The following RABGAP1L variants were observed in gnomAD, a reference collection of about 807,000 sequenced individuals.
RABGAP1L encodes the protein rab GTPase-activating protein 1-like.
RABGAP1L carries 63 observed loss-of-function variants against 137.7 expected under a neutral mutation model. The ratio of observed to expected loss-of-function variants is 0.46; its 90% CI spans 0.37 to 0.56. The LOEUF is 0.56. Among genes scored for constraint, RABGAP1L ranks in the 20% least tolerant of loss-of-function variants. The pLI is 0.00. For synonymous variants in RABGAP1L, 431 were observed against 433.7 expected (o/e 0.99, Z 0.08); for missense variants, 1,095 against 1,244.0 (o/e 0.88, Z 1.80).
chr1:174,552,407 A>G (rs1359803278), intron 13 of RABGAP1L, among the ~76,000 whole-genome samples: 9 of 152,080 alleles, frequency 5.9e-5, no homozygotes, highest in Admixed American at 5.2e-4. Flanking sequence ...CCCACTTATA[A>G]GTGAGAACAT....
chr1:174,947,900 T>C (rs754697185), intron 19 of RABGAP1L, among the ~76,000 whole-genome samples: 2 of 152,234 alleles, frequency 1.3e-5, no homozygotes, highest in Non-Finnish European at 2.9e-5. Context: ...TCCTTCCTGA[T>C]CTTACAAATT....
At chr1:174,374,747 A>G (rs1177886451) in intron 12 of RABGAP1L, among the ~76,000 whole-genome samples, 1 of 152,150 alleles carries the variant, frequency 6.6e-6, no homozygotes, top group Non-Finnish European at 1.5e-5. Context: ...TAACATTTTT[A>G]GGTTCCATTT....
intron 11 of RABGAP1L, among the ~76,000 whole-genome samples, chr1:174,310,585 C>T (rs1390032076): frequency 3.3e-5 from 5 of 152,126 alleles, no homozygotes; most frequent in African/African-American, 1.2e-4. Flanking sequence ...CTCTTCAGAT[C>T]TATTAATGTC....
chr1:174,455,332 CCA>C (rs1160365637), intron 13 of RABGAP1L, among the ~76,000 whole-genome samples: 3 of 152,086 alleles, frequency 2.0e-5, no homozygotes, highest in East Asian at 1.9e-4. Flanking sequence ...ACATTTGACC[CCA>C]GTTTTATTTT....
chr1:174,880,110 G>A (rs1653928137), intron 19 of RABGAP1L, among the ~76,000 whole-genome samples: 1 of 151,560 alleles, frequency 6.6e-6, no homozygotes, highest in African/African-American at 2.4e-5. Flanking sequence ...CTTTCTGGAA[G>A]TGTTAATAGA....
chr1:174,677,412 C>G (rs865992085), intron 14 of RABGAP1L, among the ~76,000 whole-genome samples: 46 of 152,304 alleles, frequency 3.0e-4, no homozygotes, highest in African/African-American at 1.0e-3. Context: ...TATAGCATAA[C>G]ACCTCTGTTA....
At chr1:174,332,888 T>G (rs1440455075) in intron 11 of RABGAP1L, among the ~76,000 whole-genome samples, 1 of 152,128 alleles carries the variant, frequency 6.6e-6, no homozygotes, top group Non-Finnish European at 1.5e-5. Flanking sequence ...CCATGTTTAT[T>G]TATAATAGCC....
chr1:174,537,750 G>T (rs1665003455), intron 13 of RABGAP1L, among the ~76,000 whole-genome samples: 1 of 152,116 alleles, frequency 6.6e-6, no homozygotes, highest in South Asian at 2.1e-4. Flanking sequence ...TTGTGGAAAA[G>T]TATGATTCTG....
chr1:174,931,990 GTTTTTTTT>G (rs532860564), intron 19 of RABGAP1L, among the ~76,000 whole-genome samples: 2 of 69,648 alleles, frequency 2.9e-5, no homozygotes, highest in Non-Finnish European at 5.4e-5. Context: ...TGCTTTTTTG[GTTTTTTTT>G]TTTTTTTTTT....
At chr1:174,573,552 C>G (rs1352526635) in intron 13 of RABGAP1L, among the ~76,000 whole-genome samples, 2 of 151,988 alleles carry the variant, frequency 1.3e-5, no homozygotes, top group Admixed American at 1.3e-4. Context: ...AGGTATTTTT[C>G]AAGGCACTGG....
chr1:174,542,043 T>C (rs1665504741), intron 13 of RABGAP1L, among the ~76,000 whole-genome samples: 1 of 152,200 alleles, frequency 6.6e-6, no homozygotes, highest in African/African-American at 2.4e-5. Flanking sequence ...GGGATATTGG[T>C]CTAAAATTCT....
chr1:174,211,416 C>G (rs1365246006), intron 1 of RABGAP1L, among the ~76,000 whole-genome samples: 1 of 152,060 alleles, frequency 6.6e-6, no homozygotes, highest in Non-Finnish European at 1.5e-5. Flanking sequence ...GTGTTGTTAT[C>G]AGCTTAAAAT....
chr1:174,785,210 A>G (rs1355953895), intron 18 of RABGAP1L, among the ~76,000 whole-genome samples: 1 of 152,100 alleles, frequency 6.6e-6, no homozygotes, highest in Non-Finnish European at 1.5e-5. Context: ...GATTACAGGC[A>G]TGCGCCGCCA....
Position 174,195,757 on chromosome 1 carries a change from T to C in RABGAP1L, c.-33-23368T>C, listed in dbSNP as rs547054992. ...TTTCTTTCTTTCTTTCTTTCTCTCT[T>C]TCTCTCTTTCTCTCTTTCCTTTCTT... On this transcript the variant is annotated intron_variant, in intron 1 of 25. Transcript: ENST00000681986. 9.0e-3 allele frequency among the ~76,000 whole-genome samples: 1,270 copies of C among 141,268 alleles called. 40 individuals carry two copies. Among genetic ancestry groups the C allele is most frequent in the African/African-American group, 0.033 (1,221 of 36,850 alleles). 92.7% of individuals were successfully genotyped at this position (141,268 alleles called of 152,430 possible).
intron 1 of RABGAP1L, among the ~76,000 whole-genome samples, chr1:174,209,479 G>A (rs1339484467): frequency 6.6e-6 from 1 of 152,220 alleles, no homozygotes; most frequent in Admixed American, 6.5e-5. Context: ...ATGGGCCTGT[G>A]TTGTGGGTGG....
chr1:174,504,926 A>G (rs1661675357), intron 13 of RABGAP1L, among the ~76,000 whole-genome samples: 1 of 152,212 alleles, frequency 6.6e-6, no homozygotes, highest in Admixed American at 6.5e-5. Context: ...CAGGGTGAGG[A>G]GTCATCCTAC....
In RABGAP1L at chr1:174,448,523, G is replaced by T. The variant is rs760528036; in HGVS notation, c.1710+54378G>T. On this transcript the variant is annotated intron_variant, in intron 13 of 25. Coordinates refer to ENST00000681986, the MANE Select transcript of RABGAP1L (RefSeq NM_001366446.1). This position sits in a 1 kb window ranked among gnomAD's most constrained non-coding sequence, Gnocchi z 4.2. ...GGCATGTCTTGCTTGCATCAGTGTG[G>T]ATCGTTATCTTGCAATAACCAAGCC... 3.1e-6 allele frequency: 5 copies of T among 1,612,198 alleles called. No homozygotes were observed. The Admixed American group carries it at 8.3e-5, about 27-fold the overall frequency.
chr1:174,449,091 G>A (rs768617818), intron 13 of RABGAP1L: 1 of 1,614,048 alleles, frequency 6.2e-7, no homozygotes, highest in East Asian at 2.2e-5. Context: ...TTCCGGCTAG[G>A]CCTCCGAAGA....
chr1:174,292,748 T>TG (rs1676750495), intron 10 of RABGAP1L, among the ~76,000 whole-genome samples: 1 of 152,178 alleles, frequency 6.6e-6, no homozygotes, highest in Non-Finnish European at 1.5e-5. Context: ...ATCCTATAAA[T>TG]GTCCATTATG....
Sources: gnomAD v4.1 joint callset for allele counts (sites outside exome capture counted in the v4.1 genomes callset) on GRCh38, gnomAD v4.1.1 for gene constraint, Gnocchi (gnomAD v3.1) non-coding constraint, MANE v1.5 for transcripts, NCBI Gene and HGNC (gene_info 2026-07-23, HGNC 2026-07-21) for gene names.